Variants in CFAP45 observed in about 807,000 individuals in gnomAD.
CFAP45 encodes the protein cilia and flagella associated protein 45, also known as cilia- and flagella-associated protein 45.
In CFAP45, 43 loss-of-function variants were observed where a neutral mutation model predicts 75.6. The ratio of observed to expected loss-of-function variants is 0.57; its 90% CI spans 0.45 to 0.73. CFAP45 has a LOEUF of 0.73. CFAP45 is among the 30% of genes least tolerant of loss of function. CFAP45 has a pLI of 0.00. For synonymous variants in CFAP45, 223 were observed against 244.6 expected (o/e 0.91, Z 0.82); for missense variants, 689 against 701.5 (o/e 0.98, Z 0.20).
chr1:159,899,882 C>G (rs1378086159), intron 1 of CFAP45: 4 of 571,306 alleles, frequency 7.0e-6, no homozygotes. Flanking sequence ...CCGCTCAGCG[C>G]GCTCCACATT....
chr1:159,886,604 T>C lies in CFAP45; in HGVS notation c.674A>G (p.Glu225Gly), dbSNP rs778558512. The C allele has an allele frequency of 1.2e-6, 2 of 1,614,190 alleles. No individual in the cohort carries two copies. Among genetic ancestry groups the C allele is most frequent in the East Asian group, 2.2e-5 (1 of 44,884 alleles). ...QQIQKELDTE[E>G]KRLDQMMEVE... ...TTCCATCATCTGATCCAACCGCTTCTCTTCTGTGTCCAGTTCTTTTTGGAT... is the reference window on the plus strand; with the variant it reads ...TTCCATCATCTGATCCAACCGCTTCCCTTCTGTGTCCAGTTCTTTTTGGAT... The change falls in exon 6 of 12, where the codon GAG (glutamate) becomes GGG (glycine). Residue 225 changes from glutamate to glycine, a missense_variant. Coordinates refer to ENST00000368099, the MANE Select transcript of CFAP45 (RefSeq NM_012337.3).
chr1:159,884,609 A>T, intron 6 of CFAP45, 44 bp from the exon 7 acceptor site: 1 of 1,589,324 alleles, frequency 6.3e-7, no homozygotes, highest in Non-Finnish European at 8.6e-7. Flanking sequence ...CCCCGGGTCC[A>T]CATCTCCCAG....
chr1:159,896,752 C>G (rs1466011814), intron 1 of CFAP45, among the ~76,000 whole-genome samples: 1 of 152,056 alleles, frequency 6.6e-6, no homozygotes, highest in Non-Finnish European at 1.5e-5. Flanking sequence ...AGATGCCAGC[C>G]CTGCTTTGAT....
chr1:159,884,646 C>G (rs1171532948), intron 6 of CFAP45, 81 bp from the exon 7 acceptor site: 2 of 1,409,848 alleles, frequency 1.4e-6, no homozygotes, highest in Admixed American at 4.1e-5. Context: ...AAACAACCCC[C>G]AAGATGGGTG....
chr1:159,894,327 CCT>C (rs1248085398), intron 1 of CFAP45, among the ~76,000 whole-genome samples: 1 of 152,188 alleles, frequency 6.6e-6, no homozygotes, highest in Non-Finnish European at 1.5e-5. Flanking sequence ...GGGCTTGCCC[CCT>C]GAGACACGCA....
chr1:159,888,348 C>G lies in CFAP45; in HGVS notation c.417+4G>C. The G allele has an allele frequency of 6.2e-7, 1 of 1,613,940 alleles. No individual in the cohort carries two copies. Among genetic ancestry groups the G allele is most frequent in the Non-Finnish European group, 8.5e-7 (1 of 1,179,940 alleles). On this transcript the variant is annotated splice_donor_region_variant and intron_variant, in intron 4 of 11. Transcript: ENST00000368099. ...AGAGGTGAAGGCTTAGGGAGGTTAA[C>G]TACCATGGTGGCTTCCTTCTCCTTC...
chr1:159,877,949 T>C (rs1177596191), intron 8 of CFAP45, among the ~76,000 whole-genome samples: 1 of 152,134 alleles, frequency 6.6e-6, no homozygotes, highest in Non-Finnish European at 1.5e-5. Flanking sequence ...ACAATTAGCA[T>C]TTATAAAATG....
chr1:159,873,492 A>C, intron 10 of CFAP45: 1 of 356,132 alleles, frequency 2.8e-6, no homozygotes, highest in Non-Finnish European at 5.3e-6. Flanking sequence ...AAGGGAGTCC[A>C]CACTCTCTTG....
chr1:159,884,662 A>G, intron 6 of CFAP45, 97 bp from the exon 7 acceptor site: 1 of 1,269,756 alleles, frequency 7.9e-7, no homozygotes, highest in Non-Finnish European at 1.1e-6. Context: ...GGGTGGTGTC[A>G]CCGAAACAAT....
intron 7 of CFAP45, 93 bp downstream of exon 7, chr1:159,884,343 C>T (rs1649623877): frequency 7.5e-7 from 1 of 1,337,376 alleles, no homozygotes. Flanking sequence ...ATGTGCCTGG[C>T]AGAAAATCAG....
chr1:159,884,787 C>T lies in CFAP45; in HGVS notation c.768-222G>A, dbSNP rs147360255. ...CTCCTGAGCTCCTGGTTCCAGGGCT[C>T]ACTCTTCCTGAGATTCTCCTTCTTT... On this transcript the variant is annotated intron_variant, in intron 6 of 11. Transcript: ENST00000368099. 3.5e-3 allele frequency among the ~76,000 whole-genome samples: 531 copies of T among 152,282 alleles called. 2 individuals are homozygous for T. The highest frequency in any genetic ancestry group is 0.012 in the African/African-American group (501 of 41,554).
chr1:159,872,957 G>A lies in CFAP45; in HGVS notation c.1564C>T (p.Leu522Phe). The A allele has an allele frequency of 5.0e-6, 8 of 1,614,194 alleles. No homozygotes were observed. The highest frequency in any genetic ancestry group is 5.9e-6 in the Non-Finnish European group (7 of 1,179,990). ...ERIDEIKRKK[L>F]EELRATGLPE... ...ATTCCAGCGCACCTCAGCTCTTCAA[G>A]CTTTTTCCTCTTGATCTCATCGATG... The change falls in exon 11 of 12, where the codon CTT becomes TTT. Residue 522 changes from leucine to phenylalanine, a missense_variant. Leu to Phe is a conservative substitution (Grantham distance 22). Transcript: ENST00000368099.
rs1351325075 is a variant in CFAP45 at position 159,872,560 on chromosome 1, G to A, written c.1581C>T (p.Ala527=). 4 of 1,613,822 alleles carry A rather than the reference G, an allele frequency of 2.5e-6. No homozygotes were observed. Among genetic ancestry groups the A allele is most frequent in the African/African-American group, 1.3e-5 (1 of 74,928 alleles). Residue 527 remains alanine, a synonymous_variant, in exon 12 of 12, where the codon GCC becomes GCT. Transcript: ENST00000368099. ...IKRKKLEELR[A]TGLPEKYCIE... ...TGCAGTACTTCTCGGGAAGGCCAGT[G>A]GCTCTGCCGGGGAAACGCAGGCAGG...
At chr1:159,883,104 C>T (rs140942792) in intron 7 of CFAP45, among the ~76,000 whole-genome samples, 4 of 152,308 alleles carry the variant, frequency 2.6e-5, no homozygotes, top group African/African-American at 7.2e-5. Flanking sequence ...ATCAAATGCA[C>T]TAGCTGATGA....
intron 8 of CFAP45, 23 bp downstream of exon 8, chr1:159,880,531 G>T (rs1236329883): frequency 1.2e-6 from 2 of 1,606,146 alleles, no homozygotes; most frequent in African/African-American, 2.7e-5. Context: ...CCTAACCAAA[G>T]GTCCCAGAAA....
intron 2 of CFAP45, 125 bp downstream of exon 2, chr1:159,893,055 C>T (rs951205887): frequency 9.1e-7 from 1 of 1,093,750 alleles, no homozygotes; most frequent in Non-Finnish European, 1.3e-6. Context: ...CAGAATTCCC[C>T]TTTGTCTTCA....
Position 159,886,693 on chromosome 1 carries a change from G to A in CFAP45, c.589-4C>T, listed in dbSNP as rs758101274. 5.0e-6 allele frequency: 8 copies of A among 1,613,384 alleles called. No homozygotes were observed. Among genetic ancestry groups the A allele is most frequent in the South Asian group, 1.1e-5 (1 of 91,062 alleles). On this transcript the variant is annotated splice_polypyrimidine_tract_variant and splice_region_variant and intron_variant, in intron 5 of 11. Coordinates refer to ENST00000368099, the MANE Select transcript of CFAP45 (RefSeq NM_012337.3). ...GGCACTTAGCATTGAGGATAATCTG[G>A]AGAGTGGAGATTAAACTGTAGCACT...
Position 159,893,272 on chromosome 1 carries a change from A to C in CFAP45, c.37T>G (p.Ser13Ala). Residue 13 changes from serine to alanine, a missense_variant, in exon 2 of 12, where the codon TCT (serine) becomes GCT (alanine). Coordinates refer to ENST00000368099, the MANE Select transcript of CFAP45 (RefSeq NM_012337.3). ...TTCCTTGACCTGTTGGAAGCGGCAG[A>C]AGAGGAGCTCAGGATGCCAGCTGTG... ...LSTAGILSSS[S>A]AASNRSRNKA... is the part of the protein sequence containing the mutation. The C allele has an allele frequency of 6.2e-7, 1 of 1,613,744 alleles. No homozygotes were observed. The highest frequency in any genetic ancestry group is 8.5e-7 in the Non-Finnish European group (1 of 1,179,952).
At chr1:159,893,823 C>T (rs182690839) in intron 1 of CFAP45, among the ~76,000 whole-genome samples, 13 of 151,340 alleles carry the variant, frequency 8.6e-5, no homozygotes, top group Admixed American at 1.3e-4. Flanking sequence ...TATTTGATAG[C>T]GCAATAGAAT....
Sources: allele counts gnomAD v4.1 joint callset (sites outside exome capture counted in the v4.1 genomes callset), GRCh38; gene constraint gnomAD v4.1.1; transcripts MANE v1.5; gene names NCBI Gene and HGNC (gene_info 2026-07-23, HGNC 2026-07-21).